Variants in SLC45A4 observed in about 807,000 individuals in gnomAD.
SLC45A4 encodes polyamine-transporter SLC45A4.
In SLC45A4, 32 loss-of-function variants were observed where a neutral mutation model predicts 63.7. That is an observed-to-expected ratio of 0.50 (90% confidence interval 0.38 to 0.67). The LOEUF (loss-of-function observed/expected upper bound fraction) is 0.67. SLC45A4 is among the 30% of genes least tolerant of loss of function. SLC45A4 has a pLI of 0.00. For missense variants in SLC45A4, 1,027 were observed against 1,157.7 expected (o/e 0.89, Z 1.64); for synonymous variants, 535 against 510.0 (o/e 1.05, Z -0.66).
Position 141,218,440 on chromosome 8 carries a change from C to T in SLC45A4, c.1200G>A (p.Arg400=), listed in dbSNP as rs763145577. 1.2e-6 allele frequency: 2 copies of T among 1,612,372 alleles called. No homozygotes were observed. The highest frequency in any genetic ancestry group is 8.5e-7 in the Non-Finnish European group (1 of 1,179,946). Residue 400 remains arginine, a synonymous_variant, in exon 5 of 9, where the codon AGG becomes AGA. Coordinates refer to ENST00000517878, the MANE Select transcript of SLC45A4 (RefSeq NM_001286646.2). ...ACGTGGCCGAGGGCTTCGTGTCCACCCTGGTGTAGCCGCCGAGGGCGTCTT... is the reference window on the plus strand; with the variant it reads ...ACGTGGCCGAGGGCTTCGTGTCCACTCTGGTGTAGCCGCCGAGGGCGTCTT... ...PTKDALGGYT[R]VDTKPSATSS...
chr8:141,215,565 C>A lies in SLC45A4; in HGVS notation c.1941+194G>T, dbSNP rs1465587548. Among the ~76,000 whole-genome samples, 2 of 152,168 alleles carry A rather than the reference C, an allele frequency of 1.3e-5. No homozygotes were observed. Among genetic ancestry groups the A allele is most frequent in the African/African-American group, 4.8e-5 (2 of 41,504 alleles). On this transcript the variant is annotated intron_variant, in intron 7 of 8. Transcript: ENST00000517878. The surrounding 1 kb of genome is among the most constrained non-coding windows in gnomAD (Gnocchi z 4.3). ...GGTGGGGGCGGCTGAAGGAGAAGAC[C>A]CTTTGTGGCCAGGGACCGATCAGGG... is the stretch of plus-strand genomic sequence containing the variant.
rs1335468289 is a variant in SLC45A4 at position 141,229,410 on chromosome 8, C to G, written c.242-7645G>C. Among the ~76,000 whole-genome samples, 1 of 152,130 alleles carries G rather than the reference C, an allele frequency of 6.6e-6. No homozygotes were observed. Among genetic ancestry groups the G allele is most frequent in the Non-Finnish European group, 1.5e-5 (1 of 68,016 alleles). ...CCAACCGCCCACCCCACCCTACCTC[C>G]TCTTCTAGAAAACACCAGGCTCACA... On this transcript the variant is annotated intron_variant, in intron 2 of 8. Coordinates refer to ENST00000517878, the MANE Select transcript of SLC45A4 (RefSeq NM_001286646.2). This position sits in a 1 kb window ranked among gnomAD's most constrained non-coding sequence, Gnocchi z 5.0.
intron 1 of SLC45A4, among the ~76,000 whole-genome samples, chr8:141,307,868 G>A (rs1830949153): frequency 1.3e-5 from 2 of 150,746 alleles, no homozygotes; most frequent in Admixed American, 1.3e-4. Flanking sequence ...GTGCAATCCG[G>A]AAAGAGGAGG....
intron 1 of SLC45A4, among the ~76,000 whole-genome samples, chr8:141,264,119 G>A (rs557764095): frequency 9.2e-5 from 14 of 152,176 alleles, no homozygotes; most frequent in Non-Finnish European, 1.9e-4. Context: ...AGCATGTCCC[G>A]GTCAGGAAAT....
At chr8:141,263,466 C>CT (rs1829124647) in intron 1 of SLC45A4, among the ~76,000 whole-genome samples, 1 of 151,702 alleles carries the variant, frequency 6.6e-6, no homozygotes, top group South Asian at 2.1e-4. Context: ...TAAGTGTTTA[C>CT]TTAGAAAATC....
intron 2 of SLC45A4, among the ~76,000 whole-genome samples, chr8:141,247,842 T>C (rs1052022678): frequency 7.2e-5 from 11 of 152,160 alleles, no homozygotes; most frequent in African/African-American, 2.7e-4. Context: ...TAGAAACAGA[T>C]TCACAATATA....
intron 1 of SLC45A4, among the ~76,000 whole-genome samples, chr8:141,273,781 G>A (rs370704118): frequency 1.4e-4 from 21 of 152,250 alleles, no homozygotes; most frequent in Admixed American, 5.2e-4. Flanking sequence ...AGTGAACGTC[G>A]TGCTACGAAA....
chr8:141,292,520 G>A (rs750822902), intron 1 of SLC45A4, among the ~76,000 whole-genome samples: 3 of 152,222 alleles, frequency 2.0e-5, no homozygotes, highest in Non-Finnish European at 2.9e-5. Flanking sequence ...GCTGCGGCCC[G>A]CTCCTGCACC....
intron 8 of SLC45A4, 61 bp downstream of exon 8, chr8:141,212,136 C>T (rs1333456923): frequency 1.8e-6 from 2 of 1,114,766 alleles, no homozygotes; most frequent in African/African-American, 1.7e-5. Flanking sequence ...CCTGGCCCCG[C>T]CGCCCGCCCG....
chr8:141,234,536 C>G (rs991593327), intron 2 of SLC45A4, among the ~76,000 whole-genome samples: 2 of 152,360 alleles, frequency 1.3e-5, no homozygotes, highest in Non-Finnish European at 2.9e-5. Context: ...CGCAGGTGGC[C>G]TGGCTTCCCC....
chr8:141,274,965 G>A (rs2050775250), intron 1 of SLC45A4, among the ~76,000 whole-genome samples: 1 of 152,242 alleles, frequency 6.6e-6, no homozygotes, highest in Admixed American at 6.5e-5. Context: ...GGAGACAGAG[G>A]AGAGGGCAGA....
At chr8:141,237,076 T>C (rs571082243) in intron 2 of SLC45A4, among the ~76,000 whole-genome samples, 2 of 152,364 alleles carry the variant, frequency 1.3e-5, no homozygotes, top group South Asian at 4.1e-4. Context: ...GTATGGTTCA[T>C]GTTCTAAGAT....
chr8:141,228,564 C>A, intron 2 of SLC45A4: 1 of 1,233,520 alleles, frequency 8.1e-7, no homozygotes, highest in African/African-American at 1.5e-5. Context: ...GGGCTCCTCT[C>A]TGCCCTATCA....
intron 2 of SLC45A4, among the ~76,000 whole-genome samples, chr8:141,223,230 G>T (rs949373993): frequency 1.3e-5 from 2 of 152,138 alleles, no homozygotes; most frequent in Non-Finnish European, 2.9e-5. Flanking sequence ...CTTCAGGAAG[G>T]GTACATTTTA....
intron 6 of SLC45A4, among the ~76,000 whole-genome samples, chr8:141,216,769 A>G (rs1267123163): frequency 1.3e-5 from 2 of 152,116 alleles, no homozygotes; most frequent in East Asian, 3.8e-4. Flanking sequence ...GCCTTCATCC[A>G]GCTCTGTGCT....
chr8:141,228,220 A>C, intron 2 of SLC45A4: 1 of 1,614,120 alleles, frequency 6.2e-7, no homozygotes, highest in South Asian at 1.1e-5. Context: ...TGGACTCACA[A>C]GGGTCTTTGG....
Position 141,219,823 on chromosome 8 carries a change from G to A in SLC45A4, c.437C>T (p.Ala146Val). Residue 146 changes from alanine to valine, a missense_variant, in exon 4 of 9, where the codon GCC becomes GTC. Ala to Val is a moderately conservative substitution (Grantham distance 64). Transcript: ENST00000517878. ...CTGCCGGTTGGGGACATCGCCGAGG[G>A]CCAGACCTGCGCAGAGCACACGGGA... Reference protein sequence around the residue: ...LFLNGSAIGLALGDVPNRQPI... With the variant: ...LFLNGSAIGLVLGDVPNRQPI... The A allele has an allele frequency of 1.3e-6, 2 of 1,579,076 alleles. No individual in the cohort carries two copies. Among genetic ancestry groups the A allele is most frequent in the Non-Finnish European group, 8.6e-7 (1 of 1,163,942 alleles).
chr8:141,284,819 C>A (rs558941072), intron 1 of SLC45A4, among the ~76,000 whole-genome samples: 1 of 151,994 alleles, frequency 6.6e-6, no homozygotes, highest in Non-Finnish European at 1.5e-5. Flanking sequence ...CCCAGGAGGC[C>A]CTTCTGTGTT....
intron 1 of SLC45A4, among the ~76,000 whole-genome samples, chr8:141,267,145 A>G (rs1159841853): frequency 6.6e-6 from 1 of 152,252 alleles, no homozygotes; most frequent in African/African-American, 2.4e-5. Context: ...TGCATTCACC[A>G]CAAGCCAGGA....
Sources: gnomAD v4.1 joint callset for allele counts (sites outside exome capture counted in the v4.1 genomes callset) on GRCh38, gnomAD v4.1.1 for gene constraint, Gnocchi (gnomAD v3.1) non-coding constraint, MANE v1.5 for transcripts, NCBI Gene and HGNC (gene_info 2026-07-23, HGNC 2026-07-21) for gene names.